Variants in MAP1B observed in about 807,000 individuals in gnomAD.
MAP1B encodes microtubule associated protein 1B.
Under a neutral mutation model 176.1 loss-of-function variants are expected in MAP1B, and 12 were observed. The ratio of observed to expected loss-of-function variants is 0.07; its 90% CI spans 0.04 to 0.11. The LOEUF is 0.11. MAP1B is among the 10% of genes least tolerant of loss of function. MAP1B has a pLI of 1.00. For synonymous variants in MAP1B, 1,044 were observed against 1,135.0 expected (o/e 0.92, Z 1.61); for missense variants, 2,523 against 2,990.5 (o/e 0.84, Z 3.65).
rs1387829653 is a variant in MAP1B at position 72,195,830 on chromosome 5, T to C, written c.2475T>C (p.Ala825=). The change falls in exon 5 of 7, where the codon GCT becomes GCC. Residue 825 remains alanine (A), a synonymous_variant. Transcript: ENST00000296755. ...AAIGPAKELE[A]ERSLMSSPED... ...TTGGCCCTGCCAAAGAACTCGAAGC[T>C]GAGAGGTCCCTTATGTCATCTCCTG... 2.5e-6 allele frequency: 4 copies of C among 1,614,072 alleles called. No homozygotes were observed. The African/African-American group carries it at 5.3e-5, about 22-fold the overall frequency.
At chr5:72,167,298 CAA>C (rs567692753) in intron 2 of MAP1B, among the ~76,000 whole-genome samples, 26 of 152,140 alleles carry the variant, frequency 1.7e-4, no homozygotes, top group Admixed American at 9.2e-4. Context: ...TTTTTTAAAA[CAA>C]GAAGCAAAAA....
intron 2 of MAP1B, among the ~76,000 whole-genome samples, chr5:72,134,458 A>G (rs1343328042): frequency 3.9e-5 from 6 of 152,204 alleles, no homozygotes; most frequent in African/African-American, 1.4e-4. Context: ...ATGTCATTGC[A>G]TGTCAAACAG....
intron 2 of MAP1B, among the ~76,000 whole-genome samples, chr5:72,157,267 G>A (rs2112174289): frequency 6.6e-6 from 1 of 152,264 alleles, no homozygotes; most frequent in Middle Eastern, 3.4e-3. Flanking sequence ...GAAATCCCAA[G>A]ACAATCAGCT....
chr5:72,111,787 A>T (rs1195762231), intron 1 of MAP1B, among the ~76,000 whole-genome samples: 1 of 152,168 alleles, frequency 6.6e-6, no homozygotes, highest in East Asian at 1.9e-4. Context: ...AATAAGTTAT[A>T]ACTTTTTAGA....
At chr5:72,119,130 G>A (rs1453637638) in intron 2 of MAP1B, among the ~76,000 whole-genome samples, 1 of 152,164 alleles carries the variant, frequency 6.6e-6, no homozygotes, top group African/African-American at 2.4e-5. Context: ...AGTGCTTTCT[G>A]TACACAAGGT....
At chr5:72,189,539 G>A (rs140823032) in intron 4 of MAP1B, among the ~76,000 whole-genome samples, 1 of 152,216 alleles carries the variant, frequency 6.6e-6, no homozygotes, top group East Asian at 1.9e-4. Flanking sequence ...GTCAAGAAAG[G>A]GAGGTGAAGG....
chr5:72,199,537 C>T lies in MAP1B; in HGVS notation c.6182C>T (p.Thr2061Ile). Residue 2061 changes from threonine (T) to isoleucine (I), a missense_variant, in exon 5 of 7, where the codon ACT (threonine) becomes ATT (isoleucine). This residue lies in a region of MAP1B where 1,925 missense variants were observed against 2,126.0 expected (regional missense o/e 0.91). Transcript: ENST00000296755. The surrounding 1 kb of genome is among the most constrained non-coding windows in gnomAD (Gnocchi z 4.2). ...TPQASTYSYE[T>I]SDLCYTAEKK... ...CAGGCATCCACATATTCCTACGAGA[C>T]TTCAGACCTATGCTACACTGCAGAA... 2 of 1,614,204 alleles carry T rather than the reference C, an allele frequency of 1.2e-6. No individual in the cohort carries two copies. Among genetic ancestry groups the T allele is most frequent in the Admixed American group, 1.7e-5 (1 of 60,034 alleles).
Position 72,197,252 on chromosome 5 carries a change from TGAGGTGACCCAA to T in MAP1B, c.3900_3911del (p.Thr1302_Val1305del). ...AGGCAGAAGTAGCCCCGGTGTCTCC[TGAGGTGACCCAA>T]GAAGTAGTTGAAGAACATTGTGCTA... On this transcript the variant is annotated inframe_deletion, in exon 5 of 7. Coordinates refer to ENST00000296755, the MANE Select transcript of MAP1B (RefSeq NM_005909.5). The T allele has an allele frequency of 6.2e-7, 1 of 1,614,246 alleles. No homozygotes were observed. Among genetic ancestry groups the T allele is most frequent in the Non-Finnish European group, 8.5e-7 (1 of 1,180,034 alleles).
At chr5:72,119,546 C>T (rs1408379330) in intron 2 of MAP1B, among the ~76,000 whole-genome samples, 11 of 152,312 alleles carry the variant, frequency 7.2e-5, no homozygotes, top group Admixed American at 2.0e-4. Context: ...GCTATGTCAT[C>T]GCCCAGGCTG....
chr5:72,171,231 G>A (rs1213290484), intron 2 of MAP1B, among the ~76,000 whole-genome samples: 2 of 152,206 alleles, frequency 1.3e-5, no homozygotes, highest in Admixed American at 6.5e-5. Context: ...GATAGTGCCT[G>A]AAGATGCAGT....
At chr5:72,161,956 CAAAAAAAA>C (rs4043357) in intron 2 of MAP1B, among the ~76,000 whole-genome samples, 4 of 85,000 alleles carry the variant, frequency 4.7e-5, no homozygotes, top group Non-Finnish European at 7.0e-5. Flanking sequence ...AATTCCGTCT[CAAAAAAAA>C]AAAAAAAAAA....
At chr5:72,152,037 A>T (rs1746149796) in intron 2 of MAP1B, among the ~76,000 whole-genome samples, 1 of 152,212 alleles carries the variant, frequency 6.6e-6, no homozygotes, top group South Asian at 2.1e-4. Flanking sequence ...CTGTTAGTTA[A>T]ACTACATGGC....
At chr5:72,140,300 A>G (rs534292273) in intron 2 of MAP1B, among the ~76,000 whole-genome samples, 2 of 152,368 alleles carry the variant, frequency 1.3e-5, no homozygotes, top group Non-Finnish European at 2.9e-5. Context: ...TATAGAAAAT[A>G]CAGGCTGATC....
rs144157105 is a variant in MAP1B, at chr5:72,195,974, C to G, written c.2619C>G (p.Val873=). 1 of 1,614,218 alleles carries G rather than the reference C, an allele frequency of 6.2e-7. No homozygotes were observed. The change falls in exon 5 of 7, where the codon GTC becomes GTG. Residue 873 remains valine (V), a synonymous_variant. Transcript: ENST00000296755. Reference sequence around the variant, plus strand: ...AGAAACTGAAGGAAACTGAGCCAGTCGAAGCCTACGTCATCCAGAAGGAGA... The same window carrying G: ...AGAAACTGAAGGAAACTGAGCCAGTGGAAGCCTACGTCATCCAGAAGGAGA... ...DEEKLKETEP[V]EAYVIQKERE...
chr5:72,108,059 G>A (rs1355784234), intron 1 of MAP1B, among the ~76,000 whole-genome samples: 18 of 152,204 alleles, frequency 1.2e-4, no homozygotes, highest in Admixed American at 1.2e-3. Flanking sequence ...AGAAGGGTGG[G>A]GGAGACCTGA....
chr5:72,188,158 C>T (rs974294695), intron 4 of MAP1B, among the ~76,000 whole-genome samples: 1 of 152,220 alleles, frequency 6.6e-6, no homozygotes, highest in East Asian at 1.9e-4. Context: ...AATTCCAAAG[C>T]TAGGGCTACA....
At chr5:72,121,028 C>T (rs1336766549) in intron 2 of MAP1B, among the ~76,000 whole-genome samples, 2 of 152,218 alleles carry the variant, frequency 1.3e-5, no homozygotes, top group African/African-American at 4.8e-5. Context: ...CATTCTATGG[C>T]TGAGCTTCTA....
intron 4 of MAP1B, among the ~76,000 whole-genome samples, chr5:72,187,238 C>T (rs552029282): frequency 5.3e-5 from 8 of 152,192 alleles, no homozygotes; most frequent in African/African-American, 1.9e-4. Flanking sequence ...AAAGGAGCCA[C>T]GTAGGAAAAT....
chr5:72,127,035 T>G (rs1561292643), intron 2 of MAP1B, among the ~76,000 whole-genome samples: 1 of 152,248 alleles, frequency 6.6e-6, no homozygotes, highest in Non-Finnish European at 1.5e-5. Context: ...TATCTGGTGT[T>G]GCATTGAGCT....
Sources: allele counts gnomAD v4.1 joint callset (sites outside exome capture counted in the v4.1 genomes callset), GRCh38; gene constraint gnomAD v4.1.1; regional missense constraint gnomAD v4.1.1; non-coding constraint Gnocchi (gnomAD v3.1); transcripts MANE v1.5; gene names NCBI Gene and HGNC (gene_info 2026-07-23, HGNC 2026-07-21).